SEMA6B: variants seen among roughly 807,000 people sequenced by gnomAD.
SEMA6B encodes semaphorin-6B.
In SEMA6B, 47 loss-of-function variants were observed where a neutral mutation model predicts 78.6. The ratio of observed to expected loss-of-function variants is 0.60; its 90% CI spans 0.47 to 0.76. SEMA6B has a LOEUF of 0.76. Among genes scored for constraint, SEMA6B ranks in the 30% least tolerant of loss-of-function variants. The probability of loss-of-function intolerance (pLI) is 0.00; values close to 1 mark genes in which losing one functional copy is unlikely to be tolerated. For missense variants in SEMA6B, 1,213 were observed against 1,269.9 expected (o/e 0.96, Z 0.68); for synonymous variants, 632 against 592.2 (o/e 1.07, Z -0.98).
In SEMA6B at chr19:4,542,768, A is replaced by G. The variant is rs1400706021; in HGVS notation, c.*833T>C. The stretch of plus-strand genomic sequence containing the variant: ...CACCACCCTGGGGCCGTATTTACAG[A>G]GGGGCCCCACCCACCTTCGCCGCCC... On this transcript the variant is annotated 3_prime_UTR_variant, in exon 17 of 17. Transcript: ENST00000586582. The G allele has an allele frequency of 2.9e-6, 2 of 700,396 alleles. No homozygotes were observed. The highest frequency in any genetic ancestry group is 1.5e-5 in the South Asian group (1 of 66,722). The allele number at this position is 700,396 out of a possible 1,614,324, so 43.4% of individuals were successfully genotyped here.
chr19:4,555,053 A>G lies in SEMA6B; in HGVS notation c.605T>C (p.Ile202Thr). The change falls in exon 8 of 17, where the codon ATT becomes ACT. Residue 202 changes from isoleucine (I) to threonine (T), a missense_variant. Coordinates refer to ENST00000586582, the MANE Select transcript of SEMA6B (RefSeq NM_032108.4). This position sits in a 1 kb window ranked among gnomAD's most constrained non-coding sequence, Gnocchi z 6.1. ...GAGGCTGCGGTAGATGACAGCATCA[A>G]TGGCTAGGAAGTCGGTAACAGTAGC... is the stretch of plus-strand genomic sequence containing the variant. Reference protein sequence around the residue: ...FTATVTDFLAIDAVIYRSLGD... With the variant: ...FTATVTDFLATDAVIYRSLGD... The G allele has an allele frequency of 6.2e-7, 1 of 1,614,004 alleles. No homozygotes were observed.
rs780944226 is a variant in SEMA6B at position 4,558,309 on chromosome 19, C to T, written c.121+28G>A. On this transcript the variant is annotated intron_variant, in intron 2 of 16. Transcript: ENST00000586582. The surrounding 1 kb of genome is among the most constrained non-coding windows in gnomAD (Gnocchi z 5.1). The stretch of plus-strand genomic sequence containing the variant: ...CCCAGATACTCCCACGGGACTCCAC[C>T]CCCGCCCAAAGACACCCCCAGACTC... The T allele has an allele frequency of 1.4e-5, 19 of 1,315,312 alleles. No homozygotes were observed. Among genetic ancestry groups the T allele is most frequent in the Admixed American group, 3.2e-5 (1 of 30,912 alleles). The allele number at this position is 1,315,312 out of a possible 1,614,324, so 81.5% of individuals were successfully genotyped here.
intron 1 of SEMA6B, among the ~76,000 whole-genome samples, chr19:4,559,071 C>T (rs777124141): frequency 2.6e-5 from 4 of 151,746 alleles, no homozygotes; most frequent in Non-Finnish European, 4.4e-5. Flanking sequence ...GGCCTGTGCC[C>T]GTAATCCCTG....
chr19:4,556,171 G>T, intron 5 of SEMA6B, 82 bp from the exon 6 acceptor site: 1 of 969,906 alleles, frequency 1.0e-6, no homozygotes, highest in Non-Finnish European at 1.6e-6. Flanking sequence ...TGAGTTGTGT[G>T]GGTGGAGGGC....
Position 4,546,403 on chromosome 19 carries a change from G to A in SEMA6B, c.1668C>T (p.Ser556=). The A allele has an allele frequency of 6.3e-7, 1 of 1,584,554 alleles. No homozygotes were observed. Among genetic ancestry groups the A allele is most frequent in the Non-Finnish European group, 8.6e-7 (1 of 1,164,760 alleles). The part of the protein sequence containing the change: ...WAPDGSCIFL[S]PGTRAAFEQD... ...CTCTCCCGCAGTACCTGGTGCCCGG[G>A]CTGAGGAAGATGCAGGAGCCGTCGG... Residue 556 remains serine, a synonymous_variant, in exon 15 of 17, where the codon AGC becomes AGT. Transcript: ENST00000586582.
rs1226846242 is a variant in SEMA6B at position 4,558,868 on chromosome 19, A to T, written c.-32-379T>A. ...AAAATATTAAACTCAAAGGCTAAAAAAAAAAAGAGTCAAAGGCTCTTGGAA... is the reference window on the plus strand; with the variant it reads ...AAAATATTAAACTCAAAGGCTAAAATAAAAAAGAGTCAAAGGCTCTTGGAA... On this transcript the variant is annotated intron_variant, in intron 1 of 16. Transcript: ENST00000586582. This position sits in a 1 kb window ranked among gnomAD's most constrained non-coding sequence, Gnocchi z 5.1. Among the ~76,000 whole-genome samples, 4 of 152,212 alleles carry T rather than the reference A, an allele frequency of 2.6e-5. No homozygotes were observed. The South Asian group carries it at 6.2e-4, about 24-fold the overall frequency.
Position 4,555,637 on chromosome 19 carries a change from C to T in SEMA6B, c.472-73G>A. ...GCAGCCCCTGGCTCCCTCAGCCCCC[C>T]ACTCCAGGGGGAATCCTGATCCACC... is the stretch of plus-strand genomic sequence containing the variant. On this transcript the variant is annotated intron_variant, in intron 6 of 16. Transcript: ENST00000586582. This position sits in a 1 kb window ranked among gnomAD's most constrained non-coding sequence, Gnocchi z 6.1. 1 of 1,233,632 alleles carries T rather than the reference C, an allele frequency of 8.1e-7. No homozygotes were observed. Among genetic ancestry groups the T allele is most frequent in the East Asian group, 2.4e-5 (1 of 41,116 alleles). 76.4% of individuals were successfully genotyped at this position (1,233,632 alleles called of 1,614,324 possible).
At position 4,543,598 on chromosome 19, in the gene SEMA6B, G is replaced by A. The variant is rs775793125; in HGVS notation, c.*3C>T. ...ACTGCCAAGGCATCGGGGGGCCCCC[G>A]GCCTAGGGCACGGGGGGCGCAGTCC... On this transcript the variant is annotated 3_prime_UTR_variant, in exon 17 of 17. Transcript: ENST00000586582. The A allele has an allele frequency of 7.3e-6, 9 of 1,229,584 alleles. No individual in the cohort carries two copies. Among genetic ancestry groups the A allele is most frequent in the South Asian group, 8.0e-5 (2 of 25,012 alleles). 76.2% of individuals were successfully genotyped at this position (1,229,584 alleles called of 1,614,324 possible).
At chr19:4,556,453 T>C (rs1001743135) in intron 5 of SEMA6B, among the ~76,000 whole-genome samples, 36 of 141,258 alleles carry the variant, frequency 2.5e-4, no homozygotes, top group South Asian at 2.3e-4. Flanking sequence ...TTATAGCTGA[T>C]TGGGGCCAAG....
rs2145342545 is a variant in SEMA6B, at chr19:4,544,261, A to ACCGCCT, written c.2001_2006dup (p.Gly671_Gly672dup). 1 of 1,284,846 alleles carries ACCGCCT rather than the reference A, an allele frequency of 7.8e-7. No individual in the cohort carries two copies. Among genetic ancestry groups the ACCGCCT allele is most frequent in the Non-Finnish European group, 9.8e-7 (1 of 1,019,842 alleles). 79.6% of individuals were successfully genotyped at this position (1,284,846 alleles called of 1,614,324 possible). On this transcript the variant is annotated inframe_insertion, in exon 17 of 17. Coordinates refer to ENST00000586582, the MANE Select transcript of SEMA6B (RefSeq NM_032108.4). This position sits in a 1 kb window ranked among gnomAD's most constrained non-coding sequence, Gnocchi z 5.1. ...CCGGGGGAACCCCGGCGCCACCGCC[A>ACCGCCT]CCGCCTCCGCCCCGGCCCCCGGGAC...
chr19:4,551,069 A>G (rs1036065776), intron 10 of SEMA6B, 139 bp from the exon 11 acceptor site: 39 of 937,218 alleles, frequency 4.2e-5, no homozygotes, highest in Non-Finnish European at 6.2e-5. Context: ...TCCCTCCCGC[A>G]TCTGTCGAAT....
intron 14 of SEMA6B, among the ~76,000 whole-genome samples, chr19:4,547,009 G>A (rs1033674740): frequency 2.0e-5 from 3 of 151,782 alleles, no homozygotes; most frequent in Non-Finnish European, 4.4e-5. Flanking sequence ...ACCCAGGCTG[G>A]AGTACAGTGT....
rs1203374365 is a variant in SEMA6B at position 4,543,953 on chromosome 19, C to T, written c.2315G>A (p.Gly772Asp). Reference sequence around the variant, plus strand: ...GCCGGGCCGGGCAGCATAGAGGCGGCCGTCGGGGGTCGGCTCCCCAGGCGC... The same window carrying T: ...GCCGGGCCGGGCAGCATAGAGGCGGTCGTCGGGGGTCGGCTCCCCAGGCGC... ...PPAPGEPTPD[G>D]RLYAARPGRA... is the part of the protein sequence containing the mutation. The change falls in exon 17 of 17, where the codon GGC becomes GAC. Residue 772 changes from glycine to aspartate, a missense_variant. Coordinates refer to ENST00000586582, the MANE Select transcript of SEMA6B (RefSeq NM_032108.4). 8.3e-7 allele frequency: 1 copy of T among 1,202,008 alleles called. No individual in the cohort carries two copies. Among genetic ancestry groups the T allele is most frequent in the Non-Finnish European group, 1.0e-6 (1 of 969,112 alleles). 74.5% of individuals were successfully genotyped at this position (1,202,008 alleles called of 1,614,324 possible).
chr19:4,558,239 G>A lies in SEMA6B; in HGVS notation c.122-90C>T, dbSNP rs28672943. The A allele has an allele frequency of 4.2e-3, 5,560 of 1,315,694 alleles. 170 individuals are homozygous for A. In the African/African-American group the frequency reaches 0.074, roughly 18 times the overall value. The allele number at this position is 1,315,694 out of a possible 1,614,324, so 81.5% of individuals were successfully genotyped here. A position where few individuals can be genotyped will look rare whatever the true frequency, so the allele number is the denominator to read the frequency against. ...CATGCCCCTTCTAGGGGTGGCTCCT[G>A]GACTGCTTGAGTCCCCCAGTGGGGG... On this transcript the variant is annotated intron_variant, in intron 2 of 16. Coordinates refer to ENST00000586582, the MANE Select transcript of SEMA6B (RefSeq NM_032108.4). The surrounding 1 kb of genome is among the most constrained non-coding windows in gnomAD (Gnocchi z 5.1).
chr19:4,550,108 C>G lies in SEMA6B; in HGVS notation c.1271+15G>C, dbSNP rs769251141. On this transcript the variant is annotated intron_variant, in intron 12 of 16. Transcript: ENST00000586582. The surrounding 1 kb of genome is among the most constrained non-coding windows in gnomAD (Gnocchi z 6.6). ...CCTGTCTCCCCTCGCCATGCCCTGC[C>G]TCTCCAGGACCGACCTCATCAGGGT... The G allele has an allele frequency of 1.9e-6, 3 of 1,612,334 alleles. No individual in the cohort carries two copies. Among genetic ancestry groups the G allele is most frequent in the Admixed American group, 1.7e-5 (1 of 59,938 alleles).
In SEMA6B at chr19:4,543,874, C is replaced by T. The variant is rs1175294248; in HGVS notation, c.2394G>A (p.Arg798=). Residue 798 remains arginine (R), a synonymous_variant, in exon 17 of 17, where the codon CGG becomes CGA. Coordinates refer to ENST00000586582, the MANE Select transcript of SEMA6B (RefSeq NM_032108.4). The part of the protein sequence containing the change: ...PLTPHASPDR[R]RVVSAPTGPL... ...GGCCCGTGGGCGCGGACACCACCCGCCGGCGGTCCGGGCTGGCGTGGGGGG... is the reference window on the plus strand; with the variant it reads ...GGCCCGTGGGCGCGGACACCACCCGTCGGCGGTCCGGGCTGGCGTGGGGGG... 3.3e-6 allele frequency: 4 copies of T among 1,205,858 alleles called. No homozygotes were observed. The African/African-American group carries it at 4.8e-5, about 14-fold the overall frequency. 74.7% of individuals were successfully genotyped at this position (1,205,858 alleles called of 1,614,324 possible).
intron 8 of SEMA6B, 47 bp downstream of exon 8, chr19:4,554,929 G>A (rs775263501): frequency 1.2e-6 from 2 of 1,601,566 alleles, no homozygotes; most frequent in Non-Finnish European, 8.5e-7. Context: ...TGAATGTCAG[G>A]TTCTGGGCCC....
At chr19:4,547,263 C>A (rs1027869495) in intron 14 of SEMA6B, among the ~76,000 whole-genome samples, 2 of 152,180 alleles carry the variant, frequency 1.3e-5, no homozygotes, top group African/African-American at 4.8e-5. Flanking sequence ...AGCTACCAAG[C>A]CCAGTCCCTC....
Position 4,550,891 on chromosome 19 carries a change from C to T in SEMA6B, c.1029G>A (p.Gln343=). 1 of 1,613,618 alleles carries T rather than the reference C, an allele frequency of 6.2e-7. No homozygotes were observed. Among genetic ancestry groups the T allele is most frequent in the Non-Finnish European group, 8.5e-7 (1 of 1,179,986 alleles). The change falls in exon 11 of 17, where the codon CAG becomes CAA. Residue 343 remains glutamine, a synonymous_variant. Transcript: ENST00000586582. This position sits in a 1 kb window ranked among gnomAD's most constrained non-coding sequence, Gnocchi z 6.6. The part of the protein sequence containing the change: ...GSAVCAFDLT[Q]VAAVFEGRFR... ...AGCGGCCTTCAAACACAGCTGCCAC[C>T]TGTGTCAGGTCAAAGGCGCAGACAG...
Sources: allele counts gnomAD v4.1 joint callset (sites outside exome capture counted in the v4.1 genomes callset), GRCh38; gene constraint gnomAD v4.1.1; non-coding constraint Gnocchi (gnomAD v3.1); transcripts MANE v1.5; gene names NCBI Gene and HGNC (gene_info 2026-07-23, HGNC 2026-07-21).